Variants in SLC44A1 observed in about 807,000 individuals in gnomAD.
The protein encoded by SLC44A1 is solute carrier family 44 member 1, also known as choline transporter-like protein 1.
SLC44A1 carries 26 observed loss-of-function variants against 79.3 expected under a neutral mutation model. That is an observed-to-expected ratio of 0.33 (90% CI 0.24 to 0.46). The LOEUF (loss-of-function observed/expected upper bound fraction) is 0.46. Ranked by LOEUF, SLC44A1 falls within the 20% of genes least tolerant of loss-of-function variation. SLC44A1 has a pLI of 1.00. For synonymous variants in SLC44A1, 263 were observed against 286.2 expected, an observed-to-expected ratio of 0.92 and a Z score of 0.82; for missense variants, 688 against 798.1, an observed-to-expected ratio of 0.86 and a Z score of 1.66.
At chr9:105,246,421 TC>T (rs112365085) in intron 1 of SLC44A1, among the ~76,000 whole-genome samples, 8 of 151,816 alleles carry the variant, frequency 5.3e-5, no homozygotes, top group African/African-American at 1.9e-4. Context: ...CTTTTTTTTT[TC>T]CTGCTAGCAT....
intron 1 of SLC44A1, 86 bp from the exon 2 acceptor site, chr9:105,299,134 C>T (rs916063134): frequency 3.3e-6 from 3 of 899,910 alleles, no homozygotes; most frequent in Non-Finnish European, 5.1e-6. Flanking sequence ...CAAAGAAGGG[C>T]TCTAGCTATA....
chr9:105,405,877 G>A (rs1281265759), intron 15 of SLC44A1, among the ~76,000 whole-genome samples: 1 of 152,148 alleles, frequency 6.6e-6, no homozygotes, highest in Non-Finnish European at 1.5e-5. Flanking sequence ...GAAAGAAGAG[G>A]CTAGAAAAGG....
intron 15 of SLC44A1, among the ~76,000 whole-genome samples, chr9:105,411,141 A>T (rs992893111): frequency 6.6e-6 from 1 of 152,126 alleles, no homozygotes; most frequent in Non-Finnish European, 1.5e-5. Context: ...TGAACTAAAT[A>T]CCACTGAATT....
Position 105,416,377 on chromosome 9 carries a change from C to T in SLC44A1, c.1951-21904C>T, listed in dbSNP as rs570346166. On this transcript the variant is annotated intron_variant, in intron 15 of 15. Coordinates refer to the SLC44A1 transcript ENST00000374724. ...GAGCACCTACTATATGCCAGTATTCCTCTCAGGGAGGCTCACAGTTGAGGG... is the reference window on the plus strand; with the variant it reads ...GAGCACCTACTATATGCCAGTATTCTTCTCAGGGAGGCTCACAGTTGAGGG... Among the ~76,000 whole-genome samples the T allele has an allele frequency of 7.3e-5, 11 of 151,638 alleles. 1 individual carries two copies. The highest frequency in any genetic ancestry group is 2.7e-4 in the African/African-American group (11 of 41,298).
chr9:105,337,123 A>G lies in SLC44A1; in HGVS notation c.406+1424A>G, dbSNP rs1487992915. 2.0e-5 allele frequency among the ~76,000 whole-genome samples: 3 copies of G among 151,814 alleles called. No homozygotes were observed. The East Asian group carries it at 5.8e-4, about 29-fold the overall frequency. ...AGCCTCATACCAGCCTCAACATTAT[A>G]AGGTTTCTTAGGGAGGGGTGAGCCC... On this transcript the variant is annotated intron_variant, in intron 4 of 15. Coordinates refer to ENST00000374720, the MANE Select transcript of SLC44A1 (RefSeq NM_080546.5).
At chr9:105,349,264 G>C (rs918247021) in intron 5 of SLC44A1, among the ~76,000 whole-genome samples, 4 of 152,086 alleles carry the variant, frequency 2.6e-5, no homozygotes, top group Non-Finnish European at 4.4e-5. Context: ...TGTAACATGA[G>C]TCAACTTCTC....
At chr9:105,385,893 A>C in intron 15 of SLC44A1, 3 of 985,262 alleles carry the variant, frequency 3.0e-6, no homozygotes, top group Non-Finnish European at 2.4e-6. Flanking sequence ...TTGGAAGGTG[A>C]TCATAGCAAT....
chr9:105,244,683 A>T lies in SLC44A1; in HGVS notation c.-186A>T. ...TAGCCGCCGTCGCCGCCGCCGGGGG[A>T]TGTGGCCGGCGCCTGCCTCTAGCCG... On this transcript the variant is annotated 5_prime_UTR_variant, in exon 1 of 16. An upstream start codon of the reference 5' UTR is lost. Coordinates refer to ENST00000374720, the MANE Select transcript of SLC44A1 (RefSeq NM_080546.5). The T allele has an allele frequency of 3.6e-6, 1 of 278,862 alleles. No individual in the cohort carries two copies. The highest frequency in any genetic ancestry group is 6.6e-6 in the Non-Finnish European group (1 of 152,044). The allele number at this position is 278,862 out of a possible 1,614,324, so 17.3% of individuals were successfully genotyped here. A position where few individuals can be genotyped will look rare whatever the true frequency, so the allele number is the denominator to read the frequency against.
chr9:105,305,326 A>T (rs1830998911), intron 2 of SLC44A1, among the ~76,000 whole-genome samples: 1 of 150,760 alleles, frequency 6.6e-6, no homozygotes, highest in African/African-American at 2.4e-5. Context: ...ATCCTATTAC[A>T]TTTTTTTAAA....
chr9:105,272,297 G>A (rs777722000), intron 1 of SLC44A1, among the ~76,000 whole-genome samples: 31 of 151,800 alleles, frequency 2.0e-4, no homozygotes, highest in Non-Finnish European at 3.8e-4. Flanking sequence ...TTTCCTTTTT[G>A]TAATATGTAA....
chr9:105,281,298 CT>C (rs1162417751), intron 1 of SLC44A1, among the ~76,000 whole-genome samples: 3 of 152,220 alleles, frequency 2.0e-5, no homozygotes, highest in Non-Finnish European at 4.4e-5. Flanking sequence ...GCCTTCTTTT[CT>C]TTCCGAAACC....
intron 3 of SLC44A1, among the ~76,000 whole-genome samples, chr9:105,312,762 A>G (rs1287047655): frequency 6.6e-6 from 1 of 152,170 alleles, no homozygotes; most frequent in Non-Finnish European, 1.5e-5. Context: ...TTGATTATTA[A>G]TGAGTGTGAA....
intron 9 of SLC44A1, among the ~76,000 whole-genome samples, chr9:105,363,339 T>C (rs1223441972): frequency 3.0e-4 from 43 of 141,824 alleles, no homozygotes; most frequent in East Asian, 1.1e-3. Flanking sequence ...ATTTTTGTAT[T>C]TTTAGTAGAG....
intron 5 of SLC44A1, among the ~76,000 whole-genome samples, chr9:105,352,856 G>T (rs551719996): frequency 2.6e-5 from 4 of 152,102 alleles, no homozygotes; most frequent in South Asian, 4.2e-4. Context: ...AATTTTTTTT[G>T]ATAAGAAAAC....
chr9:105,323,186 A>G lies in SLC44A1; in HGVS notation c.270-12377A>G, dbSNP rs1171595345. Among the ~76,000 whole-genome samples the G allele has an allele frequency of 4.7e-5, 7 of 147,948 alleles. No individual in the cohort carries two copies. In the East Asian group the frequency reaches 1.4e-3, roughly 29 times the overall value. The stretch of plus-strand genomic sequence containing the variant: ...AGCCGAGATCATGCCATTGCACTAC[A>G]GCCTGGGCAACAGAGTGAAACTCCA... On this transcript the variant is annotated intron_variant, in intron 3 of 15. Transcript: ENST00000374720.
In SLC44A1 at chr9:105,308,178, A is replaced by G. The variant is rs562788961; in HGVS notation, c.127-1546A>G. 3.9e-5 allele frequency among the ~76,000 whole-genome samples: 6 copies of G among 152,348 alleles called. No individual in the cohort carries two copies. The East Asian group carries it at 9.6e-4, about 24-fold the overall frequency. The stretch of plus-strand genomic sequence containing the variant: ...AAGAAAATGGACTCATCAGTATTCC[A>G]TTGATCAACACAGGCTTTTCTGACC... On this transcript the variant is annotated intron_variant, in intron 2 of 15. Coordinates refer to ENST00000374720, the MANE Select transcript of SLC44A1 (RefSeq NM_080546.5).
At chr9:105,428,179 T>C (rs1829347094) in intron 15 of SLC44A1, among the ~76,000 whole-genome samples, 1 of 152,150 alleles carries the variant, frequency 6.6e-6, no homozygotes, top group East Asian at 1.9e-4. Flanking sequence ...TCAGTAAATT[T>C]ATTGATAATT....
At chr9:105,428,921 G>C (rs1829357008) in intron 15 of SLC44A1, among the ~76,000 whole-genome samples, 1 of 152,176 alleles carries the variant, frequency 6.6e-6, no homozygotes, top group Non-Finnish European at 1.5e-5. Context: ...GGCCAGGATG[G>C]TCTCGATCTC....
intron 2 of SLC44A1, among the ~76,000 whole-genome samples, chr9:105,300,337 A>G (rs1830845359): frequency 6.6e-6 from 1 of 152,158 alleles, no homozygotes; most frequent in Non-Finnish European, 1.5e-5. Context: ...TTCAAAATGC[A>G]ATTACACTAC....
Sources: allele counts gnomAD v4.1 joint callset (sites outside exome capture counted in the v4.1 genomes callset), GRCh38; gene constraint gnomAD v4.1.1; transcripts MANE v1.5; gene names NCBI Gene and HGNC (gene_info 2026-07-23, HGNC 2026-07-21).